The following APP variants were observed in gnomAD, a reference collection of about 807,000 sequenced individuals.
APP encodes amyloid beta precursor protein.
In APP, 31 loss-of-function variants were observed where a neutral mutation model predicts 101.4. That is an observed-to-expected ratio of 0.31 (90% confidence interval 0.23 to 0.41). The LOEUF is 0.41. Among genes scored for constraint, APP ranks in the 10% least tolerant of loss-of-function variants. The pLI, the probability that APP is intolerant of heterozygous loss-of-function variation, is 1.00. For missense variants in APP, 839 were observed against 1,003.7 expected (o/e 0.84, Z 2.22); for synonymous variants, 366 against 364.4 (o/e 1.00, Z -0.05).
intron 16 of APP, among the ~76,000 whole-genome samples, chr21:25,896,642 A>G (rs1348865392): frequency 1.3e-5 from 2 of 152,226 alleles, no homozygotes; most frequent in Non-Finnish European, 2.9e-5. Flanking sequence ...AAAGGATTTT[A>G]TATAACTACT....
At chr21:26,097,116 G>T (rs553546560) in intron 2 of APP, among the ~76,000 whole-genome samples, 2 of 152,258 alleles carry the variant, frequency 1.3e-5, no homozygotes, top group Admixed American at 1.3e-4. Context: ...CCAAGAAAAA[G>T]GCCCGGCTTG....
intron 13 of APP, among the ~76,000 whole-genome samples, chr21:25,914,699 G>T (rs971161616): frequency 1.3e-5 from 2 of 151,964 alleles, no homozygotes; most frequent in Admixed American, 6.6e-5. Flanking sequence ...GACTACAGGC[G>T]CCCGCCACCA....
chr21:26,084,358 C>T (rs2146090548), intron 3 of APP, among the ~76,000 whole-genome samples: 1 of 147,394 alleles, frequency 6.8e-6, no homozygotes, highest in East Asian at 2.0e-4. Flanking sequence ...CCTGCCTCAG[C>T]CTCCCGAGTA....
chr21:25,884,329 C>A (rs1176039020), intron 17 of APP, among the ~76,000 whole-genome samples: 1 of 152,212 alleles, frequency 6.6e-6, no homozygotes, highest in Non-Finnish European at 1.5e-5. Flanking sequence ...CTCCCCTTAG[C>A]ACACTCCCAC....
At chr21:26,073,810 G>C (rs1188567424) in intron 3 of APP, among the ~76,000 whole-genome samples, 3 of 152,132 alleles carry the variant, frequency 2.0e-5, no homozygotes, top group African/African-American at 7.2e-5. Flanking sequence ...TAAGAATTTA[G>C]AACAAAGGTG....
intron 3 of APP, among the ~76,000 whole-genome samples, chr21:26,081,778 C>A (rs935051565): frequency 3.3e-5 from 5 of 152,148 alleles, no homozygotes; most frequent in African/African-American, 9.7e-5. Flanking sequence ...ATCCTTATAT[C>A]AGTTTTTCTC....
chr21:25,948,823 A>C (rs2040942581), intron 13 of APP, among the ~76,000 whole-genome samples: 1 of 152,190 alleles, frequency 6.6e-6, no homozygotes, highest in African/African-American at 2.4e-5. Flanking sequence ...AGAAAACACC[A>C]ATCATTTTTA....
At chr21:26,105,980 C>A (rs1472772831) in intron 2 of APP, among the ~76,000 whole-genome samples, 1 of 152,234 alleles carries the variant, frequency 6.6e-6, no homozygotes, top group Non-Finnish European at 1.5e-5. Context: ...CCAAGATGGG[C>A]TAGTCCTGAT....
intron 13 of APP, chr21:25,941,476 T>C (rs1193612959): frequency 6.6e-6 from 1 of 152,238 alleles, no homozygotes; most frequent in Non-Finnish European, 1.5e-5. Context: ...ACTTTTAATA[T>C]TTTTATTTAT....
intron 5 of APP, among the ~76,000 whole-genome samples, chr21:26,039,185 A>G (rs949610361): frequency 3.9e-5 from 6 of 152,166 alleles, no homozygotes; most frequent in African/African-American, 1.4e-4. Flanking sequence ...TCTCTTTCCC[A>G]GTTTGTTATC....
chr21:25,933,334 G>T (rs1019339618), intron 13 of APP, among the ~76,000 whole-genome samples: 4 of 152,160 alleles, frequency 2.6e-5, no homozygotes, highest in Admixed American at 2.6e-4. Context: ...AATTGCTGGG[G>T]TCAAGTGATT....
intron 16 of APP, among the ~76,000 whole-genome samples, chr21:25,896,781 C>T (rs114383147): frequency 1.1e-3 from 168 of 152,226 alleles, no homozygotes; most frequent in African/African-American, 3.6e-3. Context: ...ATAACACTAT[C>T]GGGAACATCA....
chr21:25,883,015 G>C (rs946612819), intron 17 of APP, among the ~76,000 whole-genome samples: 1 of 152,194 alleles, frequency 6.6e-6, no homozygotes, highest in Non-Finnish European at 1.5e-5. Context: ...GTACCAGCGA[G>C]GATGTAGTGT....
rs370206066 is a variant in APP at position 26,150,626 on chromosome 21, T to TAGATAGATAGATAGATAGATAGAC, written c.57+19937_57+19938insGTCTATCTATCTATCTATCTATCT. On this transcript the variant is annotated intron_variant, in intron 1 of 17. Coordinates refer to ENST00000346798, the MANE Select transcript of APP (RefSeq NM_000484.4). The stretch of plus-strand genomic sequence containing the variant: ...ATAGACAGATAGATAGACAGATAGA[T>TAGATAGATAGATAGATAGATAGAC]AGACAGACAGACAGACAGATTGACT... Among the ~76,000 whole-genome samples the TAGATAGATAGATAGATAGATAGAC allele has an allele frequency of 8.4e-3, 1,254 of 149,860 alleles. 7 individuals are homozygous for TAGATAGATAGATAGATAGATAGAC. The highest frequency in any genetic ancestry group is 0.022 in the East Asian group (113 of 5,046).
intron 5 of APP, among the ~76,000 whole-genome samples, chr21:26,037,929 T>C (rs1265105879): frequency 2.0e-5 from 3 of 152,200 alleles, no homozygotes; most frequent in Non-Finnish European, 4.4e-5. Context: ...TATTAGTAGT[T>C]AGAGTTTAAG....
chr21:26,015,550 A>G (rs1162918590), intron 6 of APP, among the ~76,000 whole-genome samples: 3 of 152,190 alleles, frequency 2.0e-5, no homozygotes, highest in East Asian at 1.9e-4. Flanking sequence ...AGCGTTTAAC[A>G]TAAGTTACCT....
At chr21:25,990,702 C>G (rs368145271) in intron 8 of APP, among the ~76,000 whole-genome samples, 2 of 151,756 alleles carry the variant, frequency 1.3e-5, no homozygotes, top group African/African-American at 4.9e-5. Context: ...TTACCCCAGC[C>G]TTCCAGAGCA....
intron 1 of APP, among the ~76,000 whole-genome samples, chr21:26,112,766 C>A (rs1371716464): frequency 6.6e-6 from 1 of 152,182 alleles, no homozygotes; most frequent in Non-Finnish European, 1.5e-5. Flanking sequence ...AGTCTCAACT[C>A]TTAACAAGTC....
At position 26,118,541 on chromosome 21, in the gene APP, CTG is replaced by C. The variant is rs543930453; in HGVS notation, c.58-6397_58-6396del. On this transcript the variant is annotated intron_variant, in intron 1 of 17. Transcript: ENST00000346798. Reference sequence around the variant, plus strand: ...CTTTCATTCTGTCTTTACAGTTTTTCTGTGTGTCTTTTGTTTTGTTTCGTTTT... The same window carrying C: ...CTTTCATTCTGTCTTTACAGTTTTTCTGTGTCTTTTGTTTTGTTTCGTTTT... 8.3e-4 allele frequency among the ~76,000 whole-genome samples: 127 copies of C among 152,126 alleles called. 1 individual carries two copies. Among genetic ancestry groups the C allele is most frequent in the African/African-American group, 2.9e-3 (119 of 41,522 alleles).
Sources: gnomAD v4.1 joint callset for allele counts (sites outside exome capture counted in the v4.1 genomes callset) on GRCh38, gnomAD v4.1.1 for gene constraint, MANE v1.5 for transcripts, NCBI Gene and HGNC (gene_info 2026-07-23, HGNC 2026-07-21) for gene names.